USP6: variants seen among roughly 807,000 people sequenced by gnomAD.
USP6 encodes the protein ubiquitin carboxyl-terminal hydrolase 6.
In USP6, 128 loss-of-function variants were observed where a neutral mutation model predicts 175.7. The observed-to-expected ratio is 0.73, with a 90% CI of 0.63 to 0.84. USP6 has a LOEUF of 0.84. Among genes scored for constraint, USP6 ranks in the 40% least tolerant of loss-of-function variants. USP6 has a pLI of 0.00. For synonymous variants in USP6, 562 were observed against 630.6 expected, an observed-to-expected ratio of 0.89 and a Z score of 1.63; for missense variants, 1,498 against 1,760.3, an observed-to-expected ratio of 0.85 and a Z score of 2.67.
chr17:5,162,482 C>T lies in USP6; in HGVS notation c.2916-402C>T, dbSNP rs2074023708. On this transcript the variant is annotated intron_variant, in intron 32 of 37. Transcript: ENST00000574788. ...TTTTATATGCATTTATTTAATCTGCCATTTTACAAACAAGGAGATAGGTGT... is the reference window on the plus strand; with the variant it reads ...TTTTATATGCATTTATTTAATCTGCTATTTTACAAACAAGGAGATAGGTGT... 2.0e-5 allele frequency among the ~76,000 whole-genome samples: 3 copies of T among 152,058 alleles called. No individual in the cohort carries two copies. In the South Asian group the frequency reaches 6.2e-4, roughly 31 times the overall value.
chr17:5,132,303 G>C lies in USP6; in HGVS notation c.156-93G>C. On this transcript the variant is annotated intron_variant, in intron 11 of 37. Transcript: ENST00000574788. This position sits in a 1 kb window ranked among gnomAD's most constrained non-coding sequence, Gnocchi z 4.7. ...CCGGGCTGAGCCCTGAGCTGGATAG[G>C]GACAGAGCCAGTCCTTTCTGGGGGT... 6.2e-7 allele frequency: 1 copy of C among 1,611,068 alleles called. No individual in the cohort carries two copies. Among genetic ancestry groups the C allele is most frequent in the Non-Finnish European group, 8.5e-7 (1 of 1,179,146 alleles).
rs1246062561 is a variant in USP6 at position 5,168,102 on chromosome 17, C to T, written c.3207C>T (p.Leu1069=). The change falls in exon 34 of 38, where the codon CTC becomes CTT. Residue 1069 remains leucine (L), a synonymous_variant. Coordinates refer to ENST00000574788, the MANE Select transcript of USP6 (RefSeq NM_001304284.2). ...GCTTAGCAACAAAGAAGCTGGATCT[C>T]TGGAGGCTTCCACCCTTCCTGGTAT... ...THCLATKKLD[L]WRLPPFLIIH... The T allele has an allele frequency of 3.1e-6, 5 of 1,609,184 alleles. No individual in the cohort carries two copies. Among genetic ancestry groups the T allele is most frequent in the Admixed American group, 1.7e-5 (1 of 60,006 alleles).
At chr17:5,140,843 T>TA (rs780483363) in intron 22 of USP6, among the ~76,000 whole-genome samples, 1 of 152,172 alleles carries the variant, frequency 6.6e-6, no homozygotes, top group Non-Finnish European at 1.5e-5. Context: ...TTTTCAAACT[T>TA]ATACAGTCAA....
Position 5,173,140 on chromosome 17 carries a change from T to C in USP6, c.*162T>C, listed in dbSNP as rs764614891. ...TAGTTAACTTGAAGAGTAGAAACAATTGTATTTTGAAGTCTCATACAAGCT... is the reference window on the plus strand; with the variant it reads ...TAGTTAACTTGAAGAGTAGAAACAACTGTATTTTGAAGTCTCATACAAGCT... On this transcript the variant is annotated 3_prime_UTR_variant, in exon 38 of 38. Coordinates refer to ENST00000574788, the MANE Select transcript of USP6 (RefSeq NM_001304284.2). The C allele has an allele frequency of 1.8e-4, 177 of 969,542 alleles. No individual in the cohort carries two copies. The highest frequency in any genetic ancestry group is 2.7e-4 in the Admixed American group (9 of 33,358). The allele number at this position is 969,542 out of a possible 1,614,324, so 60.1% of individuals were successfully genotyped here.
intron 36 of USP6, 111 bp from the exon 37 acceptor site, chr17:5,171,476 C>G: frequency 6.0e-6 from 6 of 995,386 alleles, no homozygotes; most frequent in Non-Finnish European, 8.4e-6. Flanking sequence ...AATATTTTCT[C>G]ACCTATTGAT....
In USP6 at chr17:5,173,961, G is replaced by C. The variant is rs1268234281; in HGVS notation, c.*983G>C. Reference sequence around the variant, plus strand: ...AGAGAGAACACATGCAAATGAACTTGCTTGTGTGTATTTGATGGCTCTAAG... The same window carrying C: ...AGAGAGAACACATGCAAATGAACTTCCTTGTGTGTATTTGATGGCTCTAAG... On this transcript the variant is annotated 3_prime_UTR_variant, in exon 38 of 38. Coordinates refer to ENST00000574788, the MANE Select transcript of USP6 (RefSeq NM_001304284.2). The C allele has an allele frequency of 4.6e-6, 1 of 217,892 alleles. No homozygotes were observed. The highest frequency in any genetic ancestry group is 2.2e-5 in the African/African-American group (1 of 44,492). 13.5% of individuals were successfully genotyped at this position (217,892 alleles called of 1,614,324 possible).
chr17:5,119,442 A>G (rs773305644), intron 2 of USP6, among the ~76,000 whole-genome samples: 9 of 152,236 alleles, frequency 5.9e-5, no homozygotes, highest in Non-Finnish European at 1.0e-4. Context: ...GTCCTTCTTC[A>G]GCCCCCACTA....
chr17:5,120,859 G>A (rs1392489893), intron 3 of USP6, 71 bp downstream of exon 3: 1 of 454,526 alleles, frequency 2.2e-6, no homozygotes, highest in Non-Finnish European at 4.4e-6. Flanking sequence ...CAGCTGGAAC[G>A]CTGGCAGATC....
rs1175653911 is a variant in USP6, at chr17:5,120,701, G to C, written c.-1762G>C. The C allele has an allele frequency of 4.7e-6, 2 of 421,972 alleles. No homozygotes were observed. The highest frequency in any genetic ancestry group is 1.4e-4 in the East Asian group (2 of 14,388). 26.1% of individuals were successfully genotyped at this position (421,972 alleles called of 1,614,324 possible). On this transcript the variant is annotated 5_prime_UTR_variant, in exon 3 of 38. Transcript: ENST00000574788. ...TGGACACTGTGCCTGGAGTGAACCT[G>C]AGCTGGATCCTGAATGAGATGCATG...
rs760242126 is a variant in USP6, at chr17:5,135,269, C to T, written c.530C>T (p.Ser177Leu). 53 of 1,612,688 alleles carry T rather than the reference C, an allele frequency of 3.3e-5. No individual in the cohort carries two copies. Among genetic ancestry groups the T allele is most frequent in the Non-Finnish European group, 4.2e-5 (49 of 1,179,094 alleles). Residue 177 changes from serine to leucine, a missense_variant, in exon 16 of 38, where the codon TCG (serine) becomes TTG (leucine). Ser to Leu is a moderately radical substitution (Grantham distance 145). Transcript: ENST00000574788. ...RELFYILLAY[S>L]EYNPEVGYCR... ...CTATTCTACATCCTCCTGGCCTATT[C>T]GGAGTATAACCCGGTGAGTATTCCC...
chr17:5,145,709 C>T (rs1239922031), intron 27 of USP6, 130 bp downstream of exon 27: 1 of 1,276,218 alleles, frequency 7.8e-7, no homozygotes, highest in African/African-American at 1.5e-5. Flanking sequence ...ATCGAGCAAC[C>T]TAATTTTAGG....
chr17:5,137,094 C>T (rs773685240), intron 18 of USP6, 27 bp from the exon 19 acceptor site: 30 of 1,612,792 alleles, frequency 1.9e-5, no homozygotes, highest in Non-Finnish European at 2.5e-5. Flanking sequence ...CCCAGGGGGC[C>T]CTGAGCACCT....
Position 5,120,661 on chromosome 17 carries a change from A to C in USP6, c.-1802A>C. 1 of 395,700 alleles carries C rather than the reference A, an allele frequency of 2.5e-6. No individual in the cohort carries two copies. The highest frequency in any genetic ancestry group is 5.0e-6 in the Non-Finnish European group (1 of 201,810). The allele number at this position is 395,700 out of a possible 1,614,324, so 24.5% of individuals were successfully genotyped here. ...GCCCTTTGAGGTCAGGTGGATGAGG[A>C]TGTCAGTGTGAAGATGGACACTGTG... On this transcript the variant is annotated 5_prime_UTR_variant, in exon 3 of 38. It removes an upstream start codon present in the reference 5' UTR. Coordinates refer to ENST00000574788, the MANE Select transcript of USP6 (RefSeq NM_001304284.2).
At position 5,138,140 on chromosome 17, in the gene USP6, C is replaced by T; in HGVS notation, c.945C>T (p.Ser315=). The change falls in exon 21 of 38, where the codon TCC becomes TCT. Residue 315 remains serine, a synonymous_variant. Coordinates refer to ENST00000574788, the MANE Select transcript of USP6 (RefSeq NM_001304284.2). The part of the protein sequence containing the change: ...KVQQKRLMKT[S]RCGLWARLRN... ...CCCTAGAGCGCCTCATGAAGACATCCAGGTGTGGCCTGTGGGCACGTCTGC... is the reference window on the plus strand; with the variant it reads ...CCCTAGAGCGCCTCATGAAGACATCTAGGTGTGGCCTGTGGGCACGTCTGC... The T allele has an allele frequency of 6.2e-7, 1 of 1,614,124 alleles. No individual in the cohort carries two copies. The highest frequency in any genetic ancestry group is 8.5e-7 in the Non-Finnish European group (1 of 1,179,978).
At chr17:5,140,759 G>A (rs762251895) in intron 22 of USP6, among the ~76,000 whole-genome samples, 15 of 152,064 alleles carry the variant, frequency 9.9e-5, no homozygotes, top group Admixed American at 3.9e-4. Context: ...CCTGCAGATG[G>A]TCCAGTAAAC....
At chr17:5,143,082 CG>C (rs1221460778) in intron 25 of USP6, among the ~76,000 whole-genome samples, 3 of 151,846 alleles carry the variant, frequency 2.0e-5, no homozygotes, top group Non-Finnish European at 2.9e-5. Flanking sequence ...GGAGGGAGGT[CG>C]GGGGGTCAGC....
chr17:5,168,222 T>C, intron 34 of USP6, 99 bp downstream of exon 34: 1 of 1,383,770 alleles, frequency 7.2e-7, no homozygotes. Context: ...AATAAGACTT[T>C]TCCTGCAGCA....
chr17:5,159,828 T>C (rs1290142457), intron 31 of USP6, among the ~76,000 whole-genome samples: 1 of 151,924 alleles, frequency 6.6e-6, no homozygotes, highest in Non-Finnish European at 1.5e-5. Flanking sequence ...CCAGGTATGG[T>C]GGTGCATGCC....
chr17:5,131,978 C>T (rs2073082033), intron 11 of USP6, among the ~76,000 whole-genome samples: 1 of 152,110 alleles, frequency 6.6e-6, no homozygotes, highest in African/African-American at 2.4e-5. Context: ...GGTCTCAGGG[C>T]AGGCTTCCTT....
Sources: allele counts gnomAD v4.1 joint callset (sites outside exome capture counted in the v4.1 genomes callset), GRCh38; gene constraint gnomAD v4.1.1; non-coding constraint Gnocchi (gnomAD v3.1); transcripts MANE v1.5; gene names NCBI Gene and HGNC (gene_info 2026-07-23, HGNC 2026-07-21).